Variants in SDK1 observed in about 807,000 individuals in gnomAD.
SDK1 encodes protein sidekick-1.
SDK1 carries 157 observed loss-of-function variants against 245.5 expected under a neutral mutation model. That is an observed-to-expected ratio of 0.64 (90% CI 0.56 to 0.73). SDK1 has a LOEUF of 0.73. Ranked by LOEUF, SDK1 falls within the 30% of genes least tolerant of loss-of-function variation. SDK1 has a pLI of 0.00. For synonymous variants in SDK1, 1,647 were observed against 1,278.5 expected, an observed-to-expected ratio of 1.29 and a Z score of -6.15; for missense variants, 3,583 against 3,002.3, an observed-to-expected ratio of 1.19 and a Z score of -4.52.
At chr7:3,859,229 G>A (rs902806699) in intron 5 of SDK1, among the ~76,000 whole-genome samples, 2 of 152,058 alleles carry the variant, frequency 1.3e-5, no homozygotes, top group African/African-American at 4.8e-5. Flanking sequence ...GTGATGGTTG[G>A]GGGCTCAACT....
chr7:4,233,874 T>C (rs1255819967), intron 41 of SDK1, among the ~76,000 whole-genome samples: 1 of 152,154 alleles, frequency 6.6e-6, no homozygotes, highest in African/African-American at 2.4e-5. Flanking sequence ...GTGTCCACGC[T>C]GTGCACCGGC....
intron 20 of SDK1, among the ~76,000 whole-genome samples, chr7:4,074,531 G>T (rs904754929): frequency 6.6e-6 from 1 of 152,098 alleles, no homozygotes; most frequent in African/African-American, 2.4e-5. Flanking sequence ...AGACGTCAGG[G>T]TGGGCAGATG....
chr7:4,022,242 CAGAG>C (rs1786951438), intron 17 of SDK1, among the ~76,000 whole-genome samples: 1 of 152,200 alleles, frequency 6.6e-6, no homozygotes, highest in Non-Finnish European at 1.5e-5. Context: ...GACAGCATGT[CAGAG>C]AGCATGCAGA....
At chr7:3,850,256 A>G (rs1180607253) in intron 5 of SDK1, among the ~76,000 whole-genome samples, 1 of 152,202 alleles carries the variant, frequency 6.6e-6, no homozygotes, top group African/African-American at 2.4e-5. Context: ...TCATCTGTCA[A>G]AGGGGACAGC....
At chr7:3,494,381 G>T (rs1781956943) in intron 1 of SDK1, among the ~76,000 whole-genome samples, 1 of 152,180 alleles carries the variant, frequency 6.6e-6, no homozygotes, top group Non-Finnish European at 1.5e-5. Context: ...CATTTAGGGT[G>T]GTGGCAAATA....
intron 35 of SDK1, among the ~76,000 whole-genome samples, chr7:4,186,645 G>C (rs1431928808): frequency 1.3e-5 from 2 of 152,172 alleles, no homozygotes; most frequent in Non-Finnish European, 2.9e-5. Context: ...GGGTGAATCA[G>C]GAGGAAGGGC....
intron 1 of SDK1, among the ~76,000 whole-genome samples, chr7:3,330,894 T>TA (rs1458644583): frequency 2.7e-5 from 4 of 150,060 alleles, no homozygotes; most frequent in Non-Finnish European, 5.9e-5. Flanking sequence ...ATTGCTTGAG[T>TA]CCAGGAGGCT....
intron 5 of SDK1, among the ~76,000 whole-genome samples, chr7:3,830,339 A>C (rs549461582): frequency 1.1e-3 from 162 of 152,320 alleles, no homozygotes; most frequent in Non-Finnish European, 1.7e-3. Context: ...AAACTCCTCC[A>C]CATAGCTCAT....
At chr7:4,159,410 T>G (rs1780976325) in intron 31 of SDK1, among the ~76,000 whole-genome samples, 1 of 152,198 alleles carries the variant, frequency 6.6e-6, no homozygotes, top group South Asian at 2.1e-4. Flanking sequence ...AGAGGCTGTT[T>G]TGCTGCAAAC....
At chr7:3,629,883 G>C (rs989502412) in intron 2 of SDK1, among the ~76,000 whole-genome samples, 2 of 152,122 alleles carry the variant, frequency 1.3e-5, no homozygotes, top group Non-Finnish European at 2.9e-5. Flanking sequence ...AGAGTTAACA[G>C]AGAAAGATAA....
chr7:3,547,190 ATATAT>A (rs1779250999), intron 1 of SDK1, among the ~76,000 whole-genome samples: 1 of 152,126 alleles, frequency 6.6e-6, no homozygotes, highest in African/African-American at 2.4e-5. Flanking sequence ...GTTGTAAGTA[ATATAT>A]TAACATTTTT....
chr7:3,919,842 C>G (rs1057314990), intron 5 of SDK1, among the ~76,000 whole-genome samples: 1 of 152,138 alleles, frequency 6.6e-6, no homozygotes, highest in Admixed American at 6.5e-5. Flanking sequence ...GTCTCAGACA[C>G]AGACTTGGAC....
chr7:3,694,337 C>T (rs1784515145), intron 4 of SDK1, among the ~76,000 whole-genome samples: 1 of 152,124 alleles, frequency 6.6e-6, no homozygotes, highest in Non-Finnish European at 1.5e-5. Flanking sequence ...CTGGCTTTCA[C>T]AGTACTTCAT....
Position 4,006,312 on chromosome 7 carries a change from G to A in SDK1, c.2132-4654G>A, listed in dbSNP as rs543836791. 6.7e-4 allele frequency among the ~76,000 whole-genome samples: 102 copies of A among 152,290 alleles called. 1 individual carries two copies. The highest frequency in any genetic ancestry group is 2.4e-3 in the African/African-American group (99 of 41,560). On this transcript the variant is annotated intron_variant, in intron 14 of 44. Coordinates refer to ENST00000404826, the MANE Select transcript of SDK1 (RefSeq NM_152744.4). ...GCCCTCTGTAGAACGGAGCCTGGCTGGGGAAGTGTAAAATCCCTCAGTCTT... is the reference window on the plus strand; with the variant it reads ...GCCCTCTGTAGAACGGAGCCTGGCTAGGGAAGTGTAAAATCCCTCAGTCTT...
intron 1 of SDK1, among the ~76,000 whole-genome samples, chr7:3,432,075 G>T (rs1392719825): frequency 2.0e-5 from 3 of 150,000 alleles, no homozygotes; most frequent in Admixed American, 6.6e-5. Context: ...GTCAGTCTGT[G>T]TGAAATACTT....
intron 5 of SDK1, among the ~76,000 whole-genome samples, chr7:3,836,202 A>G (rs543169948): frequency 6.6e-6 from 1 of 152,234 alleles, no homozygotes; most frequent in African/African-American, 2.4e-5. Flanking sequence ...TCAACATGTC[A>G]AACTGTAGTG....
chr7:3,933,622 C>T (rs1195047836), intron 5 of SDK1, among the ~76,000 whole-genome samples: 1 of 152,140 alleles, frequency 6.6e-6, no homozygotes, highest in East Asian at 1.9e-4. Context: ...ATAAACAAGA[C>T]ACTGATTATC....
rs144737544 is a variant in SDK1, at chr7:3,893,394, C to A, written c.848-57529C>A. ...CTTGCTATGCTTATCTGTAAATGAG[C>A]TACTGATAATATCAACTTCATAGTT... On this transcript the variant is annotated intron_variant, in intron 5 of 44. Coordinates refer to ENST00000404826, the MANE Select transcript of SDK1 (RefSeq NM_152744.4). Among the ~76,000 whole-genome samples the A allele has an allele frequency of 2.0e-5, 3 of 152,152 alleles. No individual in the cohort carries two copies. In the East Asian group the frequency reaches 5.8e-4, roughly 29 times the overall value.
At chr7:3,590,675 C>G (rs1361944905) in intron 1 of SDK1, among the ~76,000 whole-genome samples, 1 of 152,066 alleles carries the variant, frequency 6.6e-6, no homozygotes, top group African/African-American at 2.4e-5. Context: ...TCATCCTTAG[C>G]TGCGCATTTA....
Sources: allele counts gnomAD v4.1 joint callset (sites outside exome capture counted in the v4.1 genomes callset), GRCh38; gene constraint gnomAD v4.1.1; transcripts MANE v1.5; gene names NCBI Gene and HGNC (gene_info 2026-07-23, HGNC 2026-07-21).